KIAA0753: variants seen among roughly 807,000 people sequenced by gnomAD.
KIAA0753 encodes protein moonraker.
KIAA0753 carries 114 observed loss-of-function variants against 116.9 expected under a neutral mutation model. The observed-to-expected ratio is 0.98, with a 90% CI of 0.84 to 1.14. The LOEUF is 1.14. Ranked by LOEUF, KIAA0753 falls within the 50% of genes most tolerant of loss-of-function variation. KIAA0753 has a pLI of 0.00. For synonymous variants in KIAA0753, 405 were observed against 413.1 expected (o/e 0.98, Z 0.24); for missense variants, 1,156 against 1,172.4 (o/e 0.99, Z 0.20).
chr17:6,610,548 T>C (rs957527159), intron 8 of KIAA0753, among the ~76,000 whole-genome samples: 2 of 125,180 alleles, frequency 1.6e-5, no homozygotes, highest in Admixed American at 2.0e-4. Context: ...AGAGACAGGG[T>C]CTTGCTCTGT....
chr17:6,599,220 T>C lies in KIAA0753; in HGVS notation c.2172+17A>G, dbSNP rs374589578. 51 of 1,584,202 alleles carry C rather than the reference T, an allele frequency of 3.2e-5. No individual in the cohort carries two copies. The highest frequency in any genetic ancestry group is 8.4e-5 in the Admixed American group (5 of 59,828). ...TCAAGCAATAATACCAGAATGCCAA[T>C]ATCACACAACGCATACCTCCTGTGC... On this transcript the variant is annotated intron_variant, in intron 14 of 18. Transcript: ENST00000361413.
intron 7 of KIAA0753, among the ~76,000 whole-genome samples, chr17:6,616,500 A>G (rs775876242): frequency 1.6e-4 from 25 of 152,190 alleles, no homozygotes; most frequent in Non-Finnish European, 2.8e-4. Flanking sequence ...ACAAAACACA[A>G]AGACTATCCT....
intron 9 of KIAA0753, 100 bp from the exon 10 acceptor site, chr17:6,608,564 A>C: frequency 1.8e-6 from 1 of 552,250 alleles, no homozygotes; most frequent in East Asian, 3.2e-5. Context: ...GCATTAAATT[A>C]ATGGTGATCT....
At chr17:6,610,811 AAATAGAATG>A in intron 8 of KIAA0753, among the ~76,000 whole-genome samples, 1 of 152,152 alleles carries the variant, frequency 6.6e-6, no homozygotes, top group Non-Finnish European at 1.5e-5. Flanking sequence ...CCTTAGGTCT[AAATAGAATG>A]AATCTAGCGA....
At chr17:6,581,164 T>G (rs997774377) in intron 18 of KIAA0753, among the ~76,000 whole-genome samples, 1 of 152,186 alleles carries the variant, frequency 6.6e-6, no homozygotes, top group Non-Finnish European at 1.5e-5. Context: ...AGTCTGGGAT[T>G]CCATGTCGCA....
chr17:6,604,573 A>T (rs1449832154), intron 12 of KIAA0753, among the ~76,000 whole-genome samples: 1 of 151,998 alleles, frequency 6.6e-6, no homozygotes, highest in East Asian at 1.9e-4. Context: ...TTATAATAAC[A>T]CTCTTGAAAT....
chr17:6,589,417 G>T (rs749900458), intron 18 of KIAA0753, among the ~76,000 whole-genome samples: 2 of 152,218 alleles, frequency 1.3e-5, no homozygotes, highest in South Asian at 2.1e-4. Flanking sequence ...TTTAAGTCAC[G>T]CAGTCGATGG....
Position 6,622,962 on chromosome 17 carries a change from G to A in KIAA0753, c.1024C>T (p.Gln342Ter), listed in dbSNP as rs1300992961. The change falls in exon 6 of 19, where the codon CAG becomes TAG. Residue 342 changes from glutamine to a stop codon, truncating the protein, a stop_gained. Coordinates refer to ENST00000361413, the MANE Select transcript of KIAA0753 (RefSeq NM_014804.3). LOFTEE classifies it high-confidence loss of function. ...RCKELGSLIR[Q>*]LSLCSVKLDA... ...AGCTTGACAGAACAAAGTGAAAGCT[G>A]GCGAATAAGGCTGCCCAGTTCCTTA... The A allele has an allele frequency of 6.2e-7, 1 of 1,614,186 alleles. No homozygotes were observed.
chr17:6,588,980 G>C (rs999310721), intron 18 of KIAA0753, among the ~76,000 whole-genome samples: 1 of 152,170 alleles, frequency 6.6e-6, no homozygotes, highest in Admixed American at 6.5e-5. Flanking sequence ...AACATGCCAT[G>C]GTCATGGCTG....
chr17:6,607,933 C>T (rs1398799933), intron 10 of KIAA0753, among the ~76,000 whole-genome samples: 2 of 152,176 alleles, frequency 1.3e-5, no homozygotes, highest in Non-Finnish European at 2.9e-5. Context: ...TCCCCCGTTT[C>T]TAAACTCTCT....
At chr17:6,595,983 ACTTATC>A (rs1969444613) in intron 15 of KIAA0753, among the ~76,000 whole-genome samples, 169 bp downstream of exon 15, 1 of 152,150 alleles carries the variant, frequency 6.6e-6, no homozygotes, top group Non-Finnish European at 1.5e-5. Flanking sequence ...AAAACTCCCT[ACTTATC>A]AGAGGGGTTG....
chr17:6,608,426 G>T lies in KIAA0753; in HGVS notation c.1751C>A (p.Ala584Asp). ...TTCTTGCTGGAGAGGCTCTTTTGTG[G>T]CATCTCTGGGGCTAGTTTTCACCTT... The part of the protein sequence containing the change: ...WLKVKTSPRD[A>D]TKEPLQQEDP... The change falls in exon 10 of 19, where the codon GCC (alanine) becomes GAC (aspartate). Residue 584 changes from alanine (A) to aspartate (D), a missense_variant. Coordinates refer to ENST00000361413, the MANE Select transcript of KIAA0753 (RefSeq NM_014804.3). The T allele has an allele frequency of 6.4e-7, 1 of 1,563,754 alleles. No homozygotes were observed. Among genetic ancestry groups the T allele is most frequent in the South Asian group, 1.2e-5 (1 of 85,130 alleles).
chr17:6,611,799 C>A, intron 8 of KIAA0753, 120 bp downstream of exon 8: 1 of 732,736 alleles, frequency 1.4e-6, no homozygotes, highest in South Asian at 1.7e-5. Flanking sequence ...CTTAAATAGC[C>A]AGACTCAAGG....
intron 14 of KIAA0753, among the ~76,000 whole-genome samples, chr17:6,599,016 C>A (rs1425503451): frequency 6.6e-6 from 1 of 152,240 alleles, no homozygotes; most frequent in Non-Finnish European, 1.5e-5. Flanking sequence ...CTAACAAAAA[C>A]CTGTGGCTGT....
rs1971269067 is a variant in KIAA0753, at chr17:6,620,837, T to C, written c.1266A>G (p.Thr422=). The change falls in exon 7 of 19, where the codon ACA becomes ACG. Residue 422 remains threonine, a synonymous_variant. Transcript: ENST00000361413. Reference sequence around the variant, plus strand: ...AAGGTCGACTTGTTTCCTGTGGGAATGTGTCCTTTGCTGTGAGGGGCCTCC... The same window carrying C: ...AAGGTCGACTTGTTTCCTGTGGGAACGTGTCCTTTGCTGTGAGGGGCCTCC... ...GERRPLTAKD[T]FPQETSRPSV... is the part of the protein sequence containing the mutation. 1.2e-6 allele frequency: 2 copies of C among 1,614,202 alleles called. No homozygotes were observed. The highest frequency in any genetic ancestry group is 1.7e-6 in the Non-Finnish European group (2 of 1,180,016).
In KIAA0753 at chr17:6,607,272, T is replaced by C. The variant is rs1970256904; in HGVS notation, c.1830-2A>G. ...GTTTCAGCATCAAGCCAAGCGAGCC[T>C]AGCAGACAGTCAAAAGAGTCAAACC... On this transcript the variant is annotated splice_acceptor_variant, in intron 10 of 18. Coordinates refer to ENST00000361413, the MANE Select transcript of KIAA0753 (RefSeq NM_014804.3). LOFTEE classifies it high-confidence loss of function. 1 of 1,613,734 alleles carries C rather than the reference T, an allele frequency of 6.2e-7. No individual in the cohort carries two copies.
At chr17:6,623,763 T>C (rs923485219) in intron 4 of KIAA0753, 192 bp from the exon 5 acceptor site, 5 of 662,494 alleles carry the variant, frequency 7.5e-6, no homozygotes, top group African/African-American at 5.7e-5. Context: ...AGATAGTGAA[T>C]AGGCAGTGTT....
chr17:6,608,213 T>A, intron 10 of KIAA0753, 135 bp downstream of exon 10: 1 of 418,072 alleles, frequency 2.4e-6, no homozygotes, highest in African/African-American at 2.1e-5. Flanking sequence ...TTTATGTATT[T>A]ATTCTATTTT....
chr17:6,628,966 T>C (rs1229385271), intron 2 of KIAA0753, among the ~76,000 whole-genome samples: 1 of 152,202 alleles, frequency 6.6e-6, no homozygotes, highest in African/African-American at 2.4e-5. Context: ...TATCCTTCTG[T>C]TTACTAATGT....
Sources: gnomAD v4.1 joint callset for allele counts (sites outside exome capture counted in the v4.1 genomes callset) on GRCh38, gnomAD v4.1.1 for gene constraint, MANE v1.5 for transcripts, NCBI Gene and HGNC (gene_info 2026-07-23, HGNC 2026-07-21) for gene names.